Variants in ALKBH1 observed in about 807,000 individuals in gnomAD.
ALKBH1 encodes alkB homolog 1, histone H2A dioxygenase, also known as nucleic acid dioxygenase ALKBH1.
ALKBH1 carries 31 observed loss-of-function variants against 36.6 expected under a neutral mutation model. The observed-to-expected ratio is 0.85, with a 90% CI of 0.64 to 1.14. The LOEUF is 1.14. Among genes scored for constraint, ALKBH1 ranks in the 50% most tolerant of loss-of-function variants. The pLI is 0.00. For synonymous variants in ALKBH1, 183 were observed against 186.6 expected (o/e 0.98, Z 0.16); for missense variants, 490 against 497.3 (o/e 0.99, Z 0.14).
intron 2 of ALKBH1, among the ~76,000 whole-genome samples, chr14:77,700,486 T>C (rs973391077): frequency 2.0e-5 from 3 of 152,222 alleles, no homozygotes; most frequent in Admixed American, 6.5e-5. Context: ...TGATTTTTCA[T>C]ATGTCTTCTA....
chr14:77,707,778 G>C (rs565602488), intron 1 of ALKBH1, 44 bp downstream of exon 1: 1 of 1,544,216 alleles, frequency 6.5e-7, no homozygotes, highest in East Asian at 2.3e-5. Context: ...TCCAAGACGC[G>C]GGGCAAAGCG....
chr14:77,683,068 T>C, intron 3 of ALKBH1: 1 of 449,650 alleles, frequency 2.2e-6, no homozygotes, highest in Non-Finnish European at 4.0e-6. Flanking sequence ...TCCAGGATGA[T>C]CTTGAACTCC....
At position 77,679,902 on chromosome 14, in the gene ALKBH1, T is replaced by C; in HGVS notation, c.524A>G (p.Tyr175Cys). 3 of 1,614,118 alleles carry C rather than the reference T, an allele frequency of 1.9e-6. No individual in the cohort carries two copies. The highest frequency in any genetic ancestry group is 1.3e-5 in the African/African-American group (1 of 75,068). The change falls in exon 4 of 6, where the codon TAC becomes TGC. Residue 175 changes from tyrosine (Y) to cysteine (C), a missense_variant. Transcript: ENST00000216489. ...LEKLRWVTVG[Y>C]HYNWDSKKYS... ...TACCTTACTGTCCCAGTTATAATGGTAGCCTACGGTCACCCAACGCAGTTT... is the reference window on the plus strand; with the variant it reads ...TACCTTACTGTCCCAGTTATAATGGCAGCCTACGGTCACCCAACGCAGTTT...
In ALKBH1 at chr14:77,680,940, T is replaced by C. The variant is rs2080234579; in HGVS notation, c.456-970A>G. Among the ~76,000 whole-genome samples the C allele has an allele frequency of 2.6e-5, 4 of 152,202 alleles. No individual in the cohort carries two copies. In the South Asian group the frequency reaches 8.3e-4, roughly 32 times the overall value. On this transcript the variant is annotated intron_variant, in intron 3 of 5. Transcript: ENST00000216489. ...ATCCGCCTGCCTCGGCCTCCCAAAA[T>C]GCTGGGATTACAGGCGTGAGCCACC... is the stretch of plus-strand genomic sequence containing the variant.
intron 3 of ALKBH1, 104 bp from the exon 4 acceptor site, chr14:77,680,074 G>A (rs182968437): frequency 2.2e-5 from 18 of 816,416 alleles, no homozygotes; most frequent in Admixed American, 2.0e-4. Context: ...GGTATAAGCC[G>A]TTAGCCAAGA....
chr14:77,707,108 G>A (rs1008172125), intron 1 of ALKBH1, among the ~76,000 whole-genome samples: 2 of 152,164 alleles, frequency 1.3e-5, no homozygotes, highest in Admixed American at 1.3e-4. Flanking sequence ...TATGAGACTG[G>A]CTAATTTTTT....
Position 77,673,903 on chromosome 14 carries a change from T to A in ALKBH1, c.1079A>T (p.Asp360Val), listed in dbSNP as rs1268683372. 6.2e-7 allele frequency: 1 copy of A among 1,614,206 alleles called. No homozygotes were observed. Among genetic ancestry groups the A allele is most frequent in the East Asian group, 2.2e-5 (1 of 44,892 alleles). Residue 360 changes from aspartate to valine, a missense_variant, in exon 6 of 6, where the codon GAT becomes GTT. Physicochemically the swap from Asp to Val is radical, Grantham distance 152. Transcript: ENST00000216489. ...DQNFPLEPIE[D>V]EKRDISTEGF... ...TTCTGTACTGATGTCTCTTTTTTCA[T>A]CCTCGATGGGTTCTAGAGGGAAATT... is the stretch of plus-strand genomic sequence containing the variant.
In ALKBH1 at chr14:77,707,862, G is replaced by GC; in HGVS notation, c.142dup (p.Ala48GlyfsTer27). 1 of 1,612,392 alleles carries GC rather than the reference G, an allele frequency of 6.2e-7. No individual in the cohort carries two copies. The highest frequency in any genetic ancestry group is 8.5e-7 in the Non-Finnish European group (1 of 1,179,254). On this transcript the variant is annotated frameshift_variant, in exon 1 of 6. Transcript: ENST00000216489. LOFTEE classifies it high-confidence loss of function. ...ACCCTTGCCACGGGCTGCGTGGGCC[G>GC]CCGAGAAGTCGATGACCCCTTCCAG...
intron 2 of ALKBH1, among the ~76,000 whole-genome samples, chr14:77,703,452 C>T (rs1393261617): frequency 2.0e-5 from 3 of 151,878 alleles, no homozygotes; most frequent in Non-Finnish European, 2.9e-5. Context: ...CCACCATGCC[C>T]GGCTAATTTT....
intron 3 of ALKBH1, among the ~76,000 whole-genome samples, chr14:77,685,537 G>A (rs1362885960): frequency 6.6e-6 from 1 of 152,194 alleles, no homozygotes; most frequent in Non-Finnish European, 1.5e-5. Flanking sequence ...AGCACTTCGG[G>A]AGGCCGAGGT....
intron 2 of ALKBH1, among the ~76,000 whole-genome samples, chr14:77,700,125 T>C (rs1389496784): frequency 2.0e-5 from 3 of 151,978 alleles, no homozygotes; most frequent in Non-Finnish European, 4.4e-5. Context: ...CTGAACAATA[T>C]CATCAATGGT....
chr14:77,682,399 G>A (rs1053766271), intron 3 of ALKBH1, among the ~76,000 whole-genome samples: 7 of 152,102 alleles, frequency 4.6e-5, no homozygotes, highest in South Asian at 2.1e-4. Context: ...AAATATAAAC[G>A]TAGTTCCAGA....
At chr14:77,707,059 A>G (rs2080397102) in intron 1 of ALKBH1, among the ~76,000 whole-genome samples, 1 of 152,324 alleles carries the variant, frequency 6.6e-6, no homozygotes, top group East Asian at 1.9e-4. Context: ...TTCCCTTAAA[A>G]AAATAATTTT....
At chr14:77,686,687 G>C (rs996344884) in intron 3 of ALKBH1, among the ~76,000 whole-genome samples, 1 of 152,180 alleles carries the variant, frequency 6.6e-6, no homozygotes, top group Non-Finnish European at 1.5e-5. Flanking sequence ...GCAGTGGCGT[G>C]ATCTCGGCTC....
rs2080189585 is a variant in ALKBH1, at chr14:77,673,867, T to C, written c.1115A>G (p.His372Arg). ...KRDISTEGFC[H>R]LDDQNSEVKR... ...TACTTCGCTATTCTGGTCATCCAGA[T>C]GGCAGAAACCTTCTGTACTGATGTC... Residue 372 changes from histidine (H) to arginine (R), a missense_variant, in exon 6 of 6, where the codon CAT becomes CGT. Coordinates refer to ENST00000216489, the MANE Select transcript of ALKBH1 (RefSeq NM_006020.3). The C allele has an allele frequency of 1.9e-6, 3 of 1,614,246 alleles. No individual in the cohort carries two copies. The highest frequency in any genetic ancestry group is 2.7e-5 in the African/African-American group (2 of 75,060).
rs1448484124 is a variant in ALKBH1, at chr14:77,673,429, G to A, written c.*383C>T. On this transcript the variant is annotated 3_prime_UTR_variant, in exon 6 of 6. Transcript: ENST00000216489. ...TTTACCATAAATTACCAGATGGAGT[G>A]GAGGGAGGGGTACTGTATTTCTCAT... 1.1e-5 allele frequency: 2 copies of A among 176,882 alleles called. No individual in the cohort carries two copies. Among genetic ancestry groups the A allele is most frequent in the African/African-American group, 4.8e-5 (2 of 42,038 alleles). The allele number at this position is 176,882 out of a possible 1,614,324, so 11.0% of individuals were successfully genotyped here.
intron 3 of ALKBH1, among the ~76,000 whole-genome samples, chr14:77,694,200 T>G (rs572085800): frequency 2.6e-5 from 4 of 152,218 alleles, no homozygotes; most frequent in Admixed American, 1.3e-4. Context: ...TTTATCTTTC[T>G]GTGTCCAACG....
Position 77,672,782 on chromosome 14 carries a change from T to C in ALKBH1, c.*1030A>G, listed in dbSNP as rs996543133. The C allele has an allele frequency of 2.0e-5, 3 of 152,182 alleles. No homozygotes were observed. Among genetic ancestry groups the C allele is most frequent in the Non-Finnish European group, 4.4e-5 (3 of 68,012 alleles). The allele number at this position is 152,182 out of a possible 1,614,324, so 9.4% of individuals were successfully genotyped here. On this transcript the variant is annotated 3_prime_UTR_variant, in exon 6 of 6. Coordinates refer to ENST00000216489, the MANE Select transcript of ALKBH1 (RefSeq NM_006020.3). Reference sequence around the variant, plus strand: ...CTGGACCATGATATAGTCAGTCAAATTGTTGGGGGTATAAAGATTAAAACT... The same window carrying C: ...CTGGACCATGATATAGTCAGTCAAACTGTTGGGGGTATAAAGATTAAAACT...
chr14:77,704,437 T>C lies in ALKBH1; in HGVS notation c.224A>G (p.Gln75Arg), dbSNP rs747035915. ...SQLNVSSVSE[Q>R]NAYRAGLQPV... Reference sequence around the variant, plus strand: ...CTGAAGACCTGCTCTATATGCATTCTGCTCACTGACAGAAGACACATTTAG... The same window carrying C: ...CTGAAGACCTGCTCTATATGCATTCCGCTCACTGACAGAAGACACATTTAG... Residue 75 changes from glutamine (Q) to arginine (R), a missense_variant, in exon 2 of 6, where the codon CAG becomes CGG. Physicochemically the swap from Gln to Arg is conservative, Grantham distance 43 (BLOSUM62 1). Transcript: ENST00000216489. 3.1e-6 allele frequency: 5 copies of C among 1,614,100 alleles called. No homozygotes were observed. In the Admixed American group the frequency reaches 8.3e-5, roughly 27 times the overall value.
Sources: allele counts gnomAD v4.1 joint callset (sites outside exome capture counted in the v4.1 genomes callset), GRCh38; gene constraint gnomAD v4.1.1; transcripts MANE v1.5; gene names NCBI Gene and HGNC (gene_info 2026-07-23, HGNC 2026-07-21).